Variants in RANBP9 observed in about 807,000 individuals in gnomAD.
RANBP9 encodes the protein RAN binding protein 9.
Under a neutral mutation model 84.3 loss-of-function variants are expected in RANBP9, and 15 were observed. The observed-to-expected ratio is 0.18, with a 90% CI of 0.12 to 0.27. RANBP9 has a LOEUF of 0.27. Among genes scored for constraint, RANBP9 ranks in the 10% least tolerant of loss-of-function variants. The pLI is 1.00. For synonymous variants in RANBP9, 392 were observed against 349.6 expected, an observed-to-expected ratio of 1.12 and a Z score of -1.35; for missense variants, 809 against 912.8, an observed-to-expected ratio of 0.89 and a Z score of 1.46.
At chr6:13,661,981 G>T (rs1765546287) in intron 2 of RANBP9, among the ~76,000 whole-genome samples, 1 of 152,092 alleles carries the variant, frequency 6.6e-6, no homozygotes, top group South Asian at 2.1e-4. Context: ...AGGTAATGCA[G>T]CAAGAATGAG....
intron 2 of RANBP9, among the ~76,000 whole-genome samples, chr6:13,695,300 A>G (rs953011696): frequency 5.9e-5 from 9 of 152,164 alleles, no homozygotes; most frequent in Non-Finnish European, 1.3e-4. Flanking sequence ...CAGCAGATAA[A>G]TAATTGAGAT....
intron 2 of RANBP9, among the ~76,000 whole-genome samples, chr6:13,683,266 G>A (rs1766087933): frequency 6.6e-6 from 1 of 152,104 alleles, no homozygotes; most frequent in Non-Finnish European, 1.5e-5. Flanking sequence ...AGTGATTCCA[G>A]CAATAGGCAA....
At chr6:13,625,911 C>G (rs1343648201) in intron 12 of RANBP9, 147 bp from the exon 13 acceptor site, 1 of 555,788 alleles carries the variant, frequency 1.8e-6, no homozygotes, top group East Asian at 2.9e-5. Flanking sequence ...CACTGGGACG[C>G]TCTACATTTT....
intron 2 of RANBP9, among the ~76,000 whole-genome samples, chr6:13,668,765 C>T (rs998215276): frequency 6.6e-6 from 1 of 151,852 alleles, no homozygotes; most frequent in Admixed American, 6.6e-5. Context: ...ATGAAAAATC[C>T]CCAGCTAACA....
chr6:13,658,916 T>C (rs1365590128), intron 2 of RANBP9, 84 bp from the exon 3 acceptor site: 5 of 1,356,698 alleles, frequency 3.7e-6, no homozygotes, highest in Non-Finnish European at 5.3e-6. Flanking sequence ...TCAAACAATA[T>C]CAGAACCAAG....
intron 1 of RANBP9, 149 bp from the exon 2 acceptor site, chr6:13,697,045 C>T: frequency 1.8e-6 from 1 of 553,830 alleles, no homozygotes; most frequent in Middle Eastern, 2.8e-4. Context: ...CGTTTATCAT[C>T]ACCATGAACC....
At chr6:13,709,429 T>A (rs1018213144) in intron 1 of RANBP9, among the ~76,000 whole-genome samples, 3 of 152,224 alleles carry the variant, frequency 2.0e-5, no homozygotes, top group African/African-American at 7.2e-5. Flanking sequence ...CAACCATAAA[T>A]TTAAAATTAT....
chr6:13,705,641 CACA>C (rs1192720437), intron 1 of RANBP9, among the ~76,000 whole-genome samples: 1 of 151,646 alleles, frequency 6.6e-6, no homozygotes, highest in African/African-American at 2.4e-5. Context: ...GCGCGCAGAT[CACA>C]AGGTCAGGAG....
intron 2 of RANBP9, among the ~76,000 whole-genome samples, chr6:13,687,214 T>C (rs1766211569): frequency 6.6e-6 from 1 of 152,170 alleles, no homozygotes; most frequent in Non-Finnish European, 1.5e-5. Context: ...CTCCAAAATC[T>C]ACCTTCAGCC....
rs763891361 is a variant in RANBP9, at chr6:13,641,326, CA to C, written c.1226-20del. The C allele has an allele frequency of 6.8e-7, 1 of 1,468,528 alleles. No individual in the cohort carries two copies. Among genetic ancestry groups the C allele is most frequent in the South Asian group, 1.2e-5 (1 of 80,788 alleles). The allele number at this position is 1,468,528 out of a possible 1,614,324, so 91.0% of individuals were successfully genotyped here. A position where few individuals can be genotyped will look rare whatever the true frequency, so the allele number is the denominator to read the frequency against. ...TGAATTCCTATTCAGTAAAAGAAAG[CA>C]AACGATTAACTTTTACAAAAGTAGA... On this transcript the variant is annotated intron_variant, in intron 7 of 13. Transcript: ENST00000011619.
At chr6:13,680,671 G>A (rs1317002860) in intron 2 of RANBP9, among the ~76,000 whole-genome samples, 4 of 151,852 alleles carry the variant, frequency 2.6e-5, no homozygotes, top group African/African-American at 9.7e-5. Context: ...CGGGAGGATC[G>A]CTTGGCCCCA....
At chr6:13,653,509 C>G (rs1006617121) in intron 4 of RANBP9, among the ~76,000 whole-genome samples, 3 of 152,096 alleles carry the variant, frequency 2.0e-5, no homozygotes, top group African/African-American at 7.2e-5. Flanking sequence ...CAGCTGATCT[C>G]AATTCTTCCA....
chr6:13,702,314 G>A (rs770936502), intron 1 of RANBP9, among the ~76,000 whole-genome samples: 12 of 152,164 alleles, frequency 7.9e-5, no homozygotes, highest in Non-Finnish European at 1.6e-4. Context: ...ATGGTGGCGG[G>A]TGTGTGTAAT....
chr6:13,633,948 GT>G (rs57985370), intron 11 of RANBP9, among the ~76,000 whole-genome samples: 145,523 of 148,472 alleles, frequency 0.98, 71,310 homozygotes, highest in East Asian at 1. Flanking sequence ...TGGTGGTGGG[GT>G]TTTTTTTTTT....
At chr6:13,667,456 G>A (rs1179495403) in intron 2 of RANBP9, among the ~76,000 whole-genome samples, 1 of 152,084 alleles carries the variant, frequency 6.6e-6, no homozygotes, top group Non-Finnish European at 1.5e-5. Flanking sequence ...GGCAATGCAA[G>A]AAACACTTTT....
chr6:13,708,041 G>T (rs1278247529), intron 1 of RANBP9, among the ~76,000 whole-genome samples: 4 of 152,192 alleles, frequency 2.6e-5, no homozygotes, highest in African/African-American at 9.7e-5. Flanking sequence ...TGCATGTCTA[G>T]TATTATCTAA....
At chr6:13,634,097 C>T (rs1203665463) in intron 11 of RANBP9, among the ~76,000 whole-genome samples, 1 of 152,138 alleles carries the variant, frequency 6.6e-6, no homozygotes, top group Admixed American at 6.5e-5. Context: ...GCCTTACTGA[C>T]TATACTGACA....
intron 2 of RANBP9, among the ~76,000 whole-genome samples, chr6:13,675,454 G>A (rs1765867505): frequency 1.3e-5 from 2 of 152,046 alleles, no homozygotes; most frequent in African/African-American, 4.8e-5. Context: ...TCAACTAAAT[G>A]AAAACAACTT....
At chr6:13,638,085 G>A in intron 9 of RANBP9, 130 bp from the exon 10 acceptor site, 2 of 733,040 alleles carry the variant, frequency 2.7e-6, no homozygotes, top group Non-Finnish European at 4.1e-6. Flanking sequence ...GATGTAAACA[G>A]GTAACTTCTT....
Sources: allele counts gnomAD v4.1 joint callset (sites outside exome capture counted in the v4.1 genomes callset), GRCh38; gene constraint gnomAD v4.1.1; transcripts MANE v1.5; gene names NCBI Gene and HGNC (gene_info 2026-07-23, HGNC 2026-07-21).